Variants in MPPED2 observed in about 807,000 individuals in gnomAD.
The protein encoded by MPPED2 is metallophosphoesterase domain containing 2, also known as metallophosphoesterase MPPED2.
In MPPED2, 5 loss-of-function variants were observed where a neutral mutation model predicts 33.0. The ratio of observed to expected loss-of-function variants is 0.15; its 90% CI spans 0.08 to 0.32. The LOEUF (loss-of-function observed/expected upper bound fraction) is 0.32. Ranked by LOEUF, MPPED2 falls within the 10% of genes least tolerant of loss-of-function variation. MPPED2 has a pLI of 1.00. For synonymous variants in MPPED2, 136 were observed against 141.9 expected, an observed-to-expected ratio of 0.96 and a Z score of 0.29; for missense variants, 275 against 372.1, an observed-to-expected ratio of 0.74 and a Z score of 2.15.
intron 3 of MPPED2, among the ~76,000 whole-genome samples, chr11:30,506,785 C>G (rs1952845723): frequency 6.6e-6 from 1 of 152,090 alleles, no homozygotes; most frequent in East Asian, 1.9e-4. Flanking sequence ...TTTTAAAAAT[C>G]TTTTTGTAAT....
intron 4 of MPPED2, among the ~76,000 whole-genome samples, chr11:30,470,975 T>C (rs571805640): frequency 6.6e-6 from 1 of 152,248 alleles, no homozygotes; most frequent in South Asian, 2.1e-4. Flanking sequence ...CCCAGCTATA[T>C]CCTGAGAAAA....
intron 2 of MPPED2, among the ~76,000 whole-genome samples, chr11:30,579,134 C>G (rs926683666): frequency 2.0e-5 from 3 of 149,864 alleles, no homozygotes; most frequent in Admixed American, 6.7e-5. Flanking sequence ...ACACTAATAT[C>G]CAGGCAGTCA....
chr11:30,480,560 T>C (rs966188340), intron 4 of MPPED2, among the ~76,000 whole-genome samples: 4 of 152,124 alleles, frequency 2.6e-5, no homozygotes, highest in Non-Finnish European at 4.4e-5. Context: ...CTTATTAAAC[T>C]ATCTCACAGG....
At chr11:30,510,117 C>T (rs1351873393) in intron 3 of MPPED2, among the ~76,000 whole-genome samples, 1 of 152,182 alleles carries the variant, frequency 6.6e-6, no homozygotes, top group African/African-American at 2.4e-5. Context: ...CTTCTTATTT[C>T]ATAGACACAG....
At chr11:30,484,949 A>T in intron 4 of MPPED2, among the ~76,000 whole-genome samples, 1 of 152,140 alleles carries the variant, frequency 6.6e-6, no homozygotes, top group Admixed American at 6.5e-5. Context: ...CTTCTCTTCT[A>T]CCATGGTAAT....
At chr11:30,439,955 T>C (rs1949491694) in intron 4 of MPPED2, among the ~76,000 whole-genome samples, 1 of 152,206 alleles carries the variant, frequency 6.6e-6, no homozygotes, top group African/African-American at 2.4e-5. Flanking sequence ...GTAATATAGG[T>C]AAAGACCTTG....
Position 30,580,384 on chromosome 11 carries a change from T to C in MPPED2, c.-11A>G, listed in dbSNP as rs1327635752. 6.2e-7 allele frequency: 1 copy of C among 1,613,874 alleles called. No homozygotes were observed. Among genetic ancestry groups the C allele is most frequent in the Non-Finnish European group, 8.5e-7 (1 of 1,179,948 alleles). On this transcript the variant is annotated 5_prime_UTR_variant, in exon 2 of 7. It adds an upstream start codon to the 5' untranslated region. Coordinates refer to ENST00000358117, the MANE Select transcript of MPPED2 (RefSeq NM_001584.3). The stretch of plus-strand genomic sequence containing the variant: ...AATCCCATGTGCCATCCTTCCTCCC[T>C]ATAGGCATGAGCAATTCACAACTTT...
chr11:30,452,156 A>G, intron 4 of MPPED2: 1 of 914,868 alleles, frequency 1.1e-6, no homozygotes, highest in Non-Finnish European at 1.3e-6. Context: ...CTCACTGCCT[A>G]AGACTAAACT....
intron 4 of MPPED2, among the ~76,000 whole-genome samples, chr11:30,462,403 A>G (rs1950545572): frequency 3.3e-5 from 5 of 152,222 alleles, no homozygotes; most frequent in Admixed American, 2.6e-4. Context: ...TTGGGCGGGA[A>G]GGAATAATAG....
rs572806003 is a variant in MPPED2 at position 30,556,764 on chromosome 11, A to G, written c.129-20589T>C. Among the ~76,000 whole-genome samples the G allele has an allele frequency of 1.8e-4, 28 of 152,336 alleles. No individual in the cohort carries two copies. In the South Asian group the frequency reaches 5.0e-3, roughly 27 times the overall value. On this transcript the variant is annotated intron_variant, in intron 2 of 6. Coordinates refer to ENST00000358117, the MANE Select transcript of MPPED2 (RefSeq NM_001584.3). ...TGGCTTGGTACACAATAAGCATTCAATAAATGGTAGCCATATTATTTATTA... is the reference window on the plus strand; with the variant it reads ...TGGCTTGGTACACAATAAGCATTCAGTAAATGGTAGCCATATTATTTATTA...
rs1957115645 is a variant in MPPED2 at position 30,580,490 on chromosome 11, C to G, written c.-117G>C. 1.6e-5 allele frequency: 23 copies of G among 1,422,536 alleles called. No homozygotes were observed. The highest frequency in any genetic ancestry group is 2.0e-5 in the Non-Finnish European group (22 of 1,080,900). The allele number at this position is 1,422,536 out of a possible 1,614,324, so 88.1% of individuals were successfully genotyped here. ...GGATCTACTCATCAATACCGCTGTG[C>G]ATTTCTGAAAGAAAAAAAAAATGTA... On this transcript the variant is annotated 5_prime_UTR_variant, in exon 2 of 7. The change abolishes an upstream ATG in the 5' untranslated region. Transcript: ENST00000358117.
chr11:30,487,329 G>A (rs1461770623), intron 4 of MPPED2, among the ~76,000 whole-genome samples: 1 of 152,198 alleles, frequency 6.6e-6, no homozygotes, highest in African/African-American at 2.4e-5. Context: ...TGGTGCATAT[G>A]CCCAGGGCTG....
chr11:30,511,863 C>A (rs544294678), intron 3 of MPPED2, among the ~76,000 whole-genome samples: 49 of 152,136 alleles, frequency 3.2e-4, no homozygotes, highest in Non-Finnish European at 5.9e-4. Context: ...AGCAACTTTG[C>A]GGAGATTAAA....
chr11:30,453,358 C>T (rs1950145489), intron 4 of MPPED2, among the ~76,000 whole-genome samples: 1 of 152,174 alleles, frequency 6.6e-6, no homozygotes, highest in African/African-American at 2.4e-5. Flanking sequence ...AGCTATCCTT[C>T]AATTTAGTCT....
chr11:30,495,206 C>G, intron 4 of MPPED2, 90 bp downstream of exon 4: 2 of 885,548 alleles, frequency 2.3e-6, no homozygotes, highest in Non-Finnish European at 3.7e-6. Flanking sequence ...TCATCCTAAT[C>G]ATTTTCATTT....
intron 4 of MPPED2, among the ~76,000 whole-genome samples, chr11:30,477,794 G>T (rs1951287979): frequency 6.6e-6 from 1 of 151,950 alleles, no homozygotes; most frequent in African/African-American, 2.4e-5. Flanking sequence ...CTTCTTCTTT[G>T]AATGTTTAAA....
rs1952944912 is a variant in MPPED2, at chr11:30,508,195, G to A, written c.311-12674C>T. Among the ~76,000 whole-genome samples the A allele has an allele frequency of 2.6e-5, 4 of 152,160 alleles. No homozygotes were observed. In the South Asian group the frequency reaches 8.3e-4, roughly 32 times the overall value. ...CACAGTTGGAGAGCATACTCTGTCT[G>A]CTGAACGTTGTTCCAAAGCAAGACA... is the stretch of plus-strand genomic sequence containing the variant. On this transcript the variant is annotated intron_variant, in intron 3 of 6. Transcript: ENST00000358117.
intron 2 of MPPED2, among the ~76,000 whole-genome samples, chr11:30,562,568 T>C (rs1956280961): frequency 1.3e-5 from 2 of 152,162 alleles, no homozygotes; most frequent in Non-Finnish European, 2.9e-5. Flanking sequence ...AAAAATCTTA[T>C]TTTAGACATG....
At chr11:30,401,730 G>C (rs929004676) in intron 6 of MPPED2, among the ~76,000 whole-genome samples, 1 of 152,156 alleles carries the variant, frequency 6.6e-6, no homozygotes, top group African/African-American at 2.4e-5. Flanking sequence ...CAGCACCCAG[G>C]CTGGAGTGCA....
Sources: allele counts gnomAD v4.1 joint callset (sites outside exome capture counted in the v4.1 genomes callset), GRCh38; gene constraint gnomAD v4.1.1; transcripts MANE v1.5; gene names NCBI Gene and HGNC (gene_info 2026-07-23, HGNC 2026-07-21).